The following SPARC variants were observed in gnomAD, a reference collection of about 807,000 sequenced individuals.
SPARC encodes the protein secreted protein acidic and cysteine rich, also known as basement-membrane protein 40.
In SPARC, 23 loss-of-function variants were observed where a neutral mutation model predicts 37.7. The observed-to-expected ratio is 0.61, with a 90% confidence interval of 0.44 to 0.87. The LOEUF (loss-of-function observed/expected upper bound fraction) is 0.87. Among genes scored for constraint, SPARC ranks in the 40% least tolerant of loss-of-function variants. The pLI, the probability that SPARC is intolerant of heterozygous loss-of-function variation, is 0.00. For missense variants in SPARC, 312 were observed against 389.0 expected (o/e 0.80, Z 1.66); for synonymous variants, 155 against 150.8 (o/e 1.03, Z -0.20).
Position 151,674,685 on chromosome 5 carries a change from G to C in SPARC, c.58-11C>G, listed in dbSNP as rs1440649692. 5.6e-6 allele frequency: 9 copies of C among 1,614,104 alleles called. No individual in the cohort carries two copies. The highest frequency in any genetic ancestry group is 7.6e-6 in the Non-Finnish European group (9 of 1,179,974). On this transcript the variant is annotated splice_polypyrimidine_tract_variant and intron_variant, in intron 2 of 9. Transcript: ENST00000231061. ...CAGGGCTTCTTGCTGCTGTTGGAAA[G>C]AGAAAGTAGCGTTCAGAGGGGTCAG... is the stretch of plus-strand genomic sequence containing the variant.
intron 8 of SPARC, among the ~76,000 whole-genome samples, chr5:151,665,990 C>A (rs755783102): frequency 6.6e-6 from 1 of 152,200 alleles, no homozygotes; most frequent in Non-Finnish European, 1.5e-5. Context: ...GGCTGCTCTG[C>A]CCCTGGATGT....
intron 1 of SPARC, among the ~76,000 whole-genome samples, chr5:151,680,216 CTTTTTTTTTTTTTTTT>C (rs58021431): frequency 6.5e-5 from 4 of 61,980 alleles, no homozygotes; most frequent in South Asian, 7.0e-4. Flanking sequence ...TGGAAAACAT[CTTTTTTTTTTTTTTTT>C]TTTTTTTTTT....
intron 1 of SPARC, among the ~76,000 whole-genome samples, chr5:151,684,722 C>T (rs1011612411): frequency 2.0e-5 from 3 of 152,134 alleles, no homozygotes; most frequent in Non-Finnish European, 2.9e-5. Context: ...AAGTGCTTCC[C>T]TGTGCATTAT....
intron 6 of SPARC, among the ~76,000 whole-genome samples, chr5:151,669,110 C>T (rs1196870947): frequency 1.3e-5 from 2 of 152,184 alleles, no homozygotes; most frequent in African/African-American, 4.8e-5. Context: ...CCCCAGACAA[C>T]TGACTCCCAG....
At chr5:151,680,540 T>C (rs550532553) in intron 1 of SPARC, among the ~76,000 whole-genome samples, 2 of 152,288 alleles carry the variant, frequency 1.3e-5, no homozygotes, top group South Asian at 4.1e-4. Flanking sequence ...CCATCTATTT[T>C]AATCAACTTA....
intron 1 of SPARC, chr5:151,679,597 G>A (rs963245909): frequency 1.2e-4 from 18 of 152,494 alleles, no homozygotes; most frequent in Non-Finnish European, 2.3e-4. Flanking sequence ...CCTCCCAGCC[G>A]CCACTGCCTC....
In SPARC at chr5:151,676,184, C is replaced by A. The variant is rs1371923271; in HGVS notation, c.5G>T (p.Arg2Met). Residue 2 changes from arginine to methionine, a missense_variant, in exon 2 of 10, where the codon AGG becomes ATG. Arg to Met is a moderately conservative substitution (Grantham distance 91). Coordinates refer to ENST00000231061, the MANE Select transcript of SPARC (RefSeq NM_003118.4). M[R>M]AWIFFLLCLA... is the part of the protein sequence containing the mutation. Reference sequence around the variant, plus strand: ...GCAAAGGAGAAAGAAGATCCAGGCCCTCATGGTGCTGGGAACCCTATGGGG... The same window carrying A: ...GCAAAGGAGAAAGAAGATCCAGGCCATCATGGTGCTGGGAACCCTATGGGG... 1.2e-6 allele frequency: 2 copies of A among 1,611,196 alleles called. No homozygotes were observed. The highest frequency in any genetic ancestry group is 2.2e-5 in the South Asian group (2 of 90,058).
At chr5:151,682,613 T>A (rs112629529) in intron 1 of SPARC, among the ~76,000 whole-genome samples, 1 of 152,142 alleles carries the variant, frequency 6.6e-6, no homozygotes, top group Non-Finnish European at 1.5e-5. Flanking sequence ...CCACTACCGA[T>A]GAATTAGTGA....
chr5:151,671,705 G>A lies in SPARC; in HGVS notation c.209-11C>T, dbSNP rs575636672. 95 of 1,613,654 alleles carry A rather than the reference G, an allele frequency of 5.9e-5. 1 individual carries two copies. In the South Asian group the frequency reaches 9.6e-4, roughly 16 times the overall value. On this transcript the variant is annotated splice_polypyrimidine_tract_variant and intron_variant, in intron 4 of 9. Transcript: ENST00000231061. ...GGTTCTGGCAGGGATCTGTAGGGCA[G>A]AAAGACAAGGGAGTTAGCATCACCT...
In SPARC at chr5:151,666,398, A is replaced by G; in HGVS notation, c.697T>C (p.Trp233Arg). 2.5e-6 allele frequency: 4 copies of G among 1,614,160 alleles called. No individual in the cohort carries two copies. Among genetic ancestry groups the G allele is most frequent in the Non-Finnish European group, 3.4e-6 (4 of 1,179,996 alleles). ...NYNMYIFPVH[W>R]QFGQLDQHPI... Reference sequence around the variant, plus strand: ...TGCTGGTCCAGCTGGCCGAACTGCCAGTGTACAGGGAAGATGTACATGTTA... The same window carrying G: ...TGCTGGTCCAGCTGGCCGAACTGCCGGTGTACAGGGAAGATGTACATGTTA... The change falls in exon 8 of 10, where the codon TGG (tryptophan) becomes CGG (arginine). Residue 233 changes from tryptophan (W) to arginine (R), a missense_variant. Transcript: ENST00000231061.
At position 151,662,075 on chromosome 5, in the gene SPARC, G is replaced by A. The variant is rs1760517987; in HGVS notation, c.*1496C>T. Reference sequence around the variant, plus strand: ...GCCATAACTGTGTCCCCAGTGCTTGGCATGGGACCTGGTGCAGAGTAAATA... The same window carrying A: ...GCCATAACTGTGTCCCCAGTGCTTGACATGGGACCTGGTGCAGAGTAAATA... On this transcript the variant is annotated 3_prime_UTR_variant, in exon 10 of 10. Coordinates refer to ENST00000231061, the MANE Select transcript of SPARC (RefSeq NM_003118.4). The A allele has an allele frequency of 6.6e-6, 1 of 152,576 alleles. No homozygotes were observed. The highest frequency in any genetic ancestry group is 1.5e-5 in the Non-Finnish European group (1 of 68,044). 9.5% of individuals were successfully genotyped at this position (152,576 alleles called of 1,614,324 possible). A position where few individuals can be genotyped will look rare whatever the true frequency, so the allele number is the denominator to read the frequency against.
At chr5:151,667,656 A>G (rs1287977699) in intron 6 of SPARC, 56 bp from the exon 7 acceptor site, 3 of 1,259,748 alleles carry the variant, frequency 2.4e-6, no homozygotes, top group Non-Finnish European at 3.3e-6. Context: ...CGTGCTCCCC[A>G]CCCCAGGCCC....
At chr5:151,666,206 T>C (rs1322217101) in intron 8 of SPARC, among the ~76,000 whole-genome samples, 155 bp downstream of exon 8, 1 of 152,214 alleles carries the variant, frequency 6.6e-6, no homozygotes, top group Non-Finnish European at 1.5e-5. Flanking sequence ...CAGGTCCACA[T>C]CTTTTCTCCA....
intron 1 of SPARC, among the ~76,000 whole-genome samples, chr5:151,681,818 G>T (rs1760999328): frequency 6.6e-6 from 1 of 152,196 alleles, no homozygotes; most frequent in Non-Finnish European, 1.5e-5. Context: ...ACTTGAACCT[G>T]GGAGGCAGAG....
chr5:151,673,272 A>C (rs1176748939), intron 3 of SPARC, 56 bp from the exon 4 acceptor site: 2 of 1,224,148 alleles, frequency 1.6e-6, no homozygotes, highest in Non-Finnish European at 2.4e-6. Flanking sequence ...CCAGACCCAT[A>C]AGGGTAGCTG....
chr5:151,674,201 C>G (rs1410516623), intron 3 of SPARC, among the ~76,000 whole-genome samples: 10 of 152,026 alleles, frequency 6.6e-5, no homozygotes, highest in African/African-American at 2.4e-4. Flanking sequence ...TTAGTAGAGA[C>G]AGGGTTTCAC....
At position 151,663,435 on chromosome 5, in the gene SPARC, G is replaced by T; in HGVS notation, c.*136C>A. ...GGTTAGAATTTTCATTTTTAGCACC[G>T]TTAATGTATTCACTTAAATCTATGT... is the stretch of plus-strand genomic sequence containing the variant. On this transcript the variant is annotated 3_prime_UTR_variant, in exon 10 of 10. Coordinates refer to ENST00000231061, the MANE Select transcript of SPARC (RefSeq NM_003118.4). 1.2e-6 allele frequency: 1 copy of T among 843,590 alleles called. No homozygotes were observed. The allele number at this position is 843,590 out of a possible 1,614,324, so 52.3% of individuals were successfully genotyped here.
chr5:151,670,482 C>T (rs889677767), intron 5 of SPARC, among the ~76,000 whole-genome samples: 4 of 152,188 alleles, frequency 2.6e-5, no homozygotes, highest in Admixed American at 1.3e-4. Flanking sequence ...GATGACCCCT[C>T]TTGGGAGTCA....
chr5:151,684,605 A>G (rs80137253), intron 1 of SPARC, among the ~76,000 whole-genome samples: 2 of 58,926 alleles, frequency 3.4e-5, no homozygotes, highest in Non-Finnish European at 9.2e-5. Flanking sequence ...AGCTGCCAGG[A>G]AAAAAAAAAA....
Sources: gnomAD v4.1 joint callset for allele counts (sites outside exome capture counted in the v4.1 genomes callset) on GRCh38, gnomAD v4.1.1 for gene constraint, MANE v1.5 for transcripts, NCBI Gene and HGNC (gene_info 2026-07-23, HGNC 2026-07-21) for gene names.